The following DNM3 variants were observed in gnomAD, a reference collection of about 807,000 sequenced individuals.
DNM3 encodes the protein dynamin 3.
A neutral mutation model predicts 101.6 loss-of-function variants in DNM3; 47 were observed. The ratio of observed to expected loss-of-function variants is 0.46; its 90% confidence interval spans 0.37 to 0.59. The LOEUF (loss-of-function observed/expected upper bound fraction) is 0.59, where lower values mean the gene tolerates loss of function less well. Among genes scored for constraint, DNM3 ranks in the 20% least tolerant of loss-of-function variants. The pLI is 0.00. For missense variants in DNM3, 849 were observed against 1,085.7 expected (o/e 0.78, Z 3.06); for synonymous variants, 385 against 387.9 (o/e 0.99, Z 0.09).
intron 1 of DNM3, among the ~76,000 whole-genome samples, chr1:171,858,197 AGAGT>A (rs1259354100): frequency 6.6e-6 from 1 of 152,204 alleles, no homozygotes; most frequent in Non-Finnish European, 1.5e-5. Context: ...GTTGGTACTG[AGAGT>A]GAGGATCATG....
At chr1:172,008,709 G>A (rs965488867) in intron 4 of DNM3, among the ~76,000 whole-genome samples, 1 of 147,634 alleles carries the variant, frequency 6.8e-6, no homozygotes, top group Non-Finnish European at 1.5e-5. Context: ...GAATTACATG[G>A]GCATCTTTTG....
intron 4 of DNM3, among the ~76,000 whole-genome samples, chr1:172,030,429 T>A (rs149335871): frequency 2.4e-4 from 36 of 152,240 alleles, no homozygotes; most frequent in Middle Eastern, 6.8e-3. Flanking sequence ...AAGACTTAAA[T>A]GTAAGACCCA....
chr1:172,121,936 A>C (rs957726623), intron 13 of DNM3, among the ~76,000 whole-genome samples: 2 of 152,176 alleles, frequency 1.3e-5, no homozygotes, highest in African/African-American at 4.8e-5. Flanking sequence ...GGCTTCTTTC[A>C]TCACAGTGAT....
intron 14 of DNM3, among the ~76,000 whole-genome samples, chr1:172,163,865 A>G (rs2058642085): frequency 6.9e-6 from 1 of 145,186 alleles, no homozygotes; most frequent in Admixed American, 6.9e-5. Flanking sequence ...TATGTATTTC[A>G]TATGTGTATA....
intron 4 of DNM3, among the ~76,000 whole-genome samples, chr1:172,019,019 TC>T (rs2047645588): frequency 1.5e-5 from 1 of 67,806 alleles, no homozygotes; most frequent in Non-Finnish European, 2.6e-5. Flanking sequence ...CCCCCTCCCT[TC>T]CTCCCTCCCT....
At chr1:172,010,708 G>A (rs534671967) in intron 4 of DNM3, among the ~76,000 whole-genome samples, 5,699 of 144,976 alleles carry the variant, frequency 0.039, 128 homozygotes, top group Middle Eastern at 0.073. Context: ...GTGTGTGTGT[G>A]TGTGTGTGTG....
rs1296702508 is a variant in DNM3, at chr1:172,068,925, G to A, written c.1422+20G>A. On this transcript the variant is annotated intron_variant, in intron 11 of 20. Transcript: ENST00000627582. ...GACCAGGTAAAGAGAGGTCTTCCCT[G>A]GTGGGCAGGGAGATTGTGGGAGGTC... The A allele has an allele frequency of 3.9e-6, 6 of 1,550,938 alleles. No individual in the cohort carries two copies. Among genetic ancestry groups the A allele is most frequent in the South Asian group, 1.2e-5 (1 of 84,018 alleles).
intron 10 of DNM3, among the ~76,000 whole-genome samples, chr1:172,065,033 T>C (rs915891652): frequency 6.6e-6 from 1 of 152,200 alleles, no homozygotes; most frequent in Non-Finnish European, 1.5e-5. Flanking sequence ...GACACACACG[T>C]GCACACAAAT....
chr1:172,013,132 G>C (rs1419598548), intron 4 of DNM3, among the ~76,000 whole-genome samples: 2 of 151,646 alleles, frequency 1.3e-5, no homozygotes, highest in Non-Finnish European at 1.5e-5. Context: ...TTTTTTCATT[G>C]TTGTTGTTCC....
intron 4 of DNM3, among the ~76,000 whole-genome samples, chr1:172,001,363 C>T (rs928503609): frequency 6.6e-6 from 1 of 151,978 alleles, no homozygotes; most frequent in Non-Finnish European, 1.5e-5. Flanking sequence ...CCTGGCTGAA[C>T]CGTTCACCCT....
At chr1:172,033,079 C>T in intron 5 of DNM3, 26 bp from the exon 6 acceptor site, 3 of 1,605,950 alleles carry the variant, frequency 1.9e-6, no homozygotes, top group East Asian at 2.2e-5. Flanking sequence ...GTGTCCCCAA[C>T]TCCATAGATT....
chr1:172,081,723 A>G (rs2053163613), intron 11 of DNM3, 109 bp from the exon 12 acceptor site: 2 of 844,242 alleles, frequency 2.4e-6, no homozygotes, highest in South Asian at 3.7e-5. Flanking sequence ...TAATTGAAGT[A>G]TCCTTTAAAA....
chr1:172,042,813 T>C (rs1487329039), intron 8 of DNM3, among the ~76,000 whole-genome samples: 1 of 152,138 alleles, frequency 6.6e-6, no homozygotes, highest in Admixed American at 6.5e-5. Flanking sequence ...CTTTCTAGGT[T>C]GAGGTAAAGT....
At chr1:172,229,487 A>G (rs1398714684) in intron 14 of DNM3, among the ~76,000 whole-genome samples, 1 of 152,184 alleles carries the variant, frequency 6.6e-6, no homozygotes, top group Non-Finnish European at 1.5e-5. Flanking sequence ...ACACATGCCC[A>G]GCTAAAGCAG....
intron 15 of DNM3, among the ~76,000 whole-genome samples, chr1:172,274,723 G>GTTTTTTTT (rs375210621): frequency 8.6e-6 from 1 of 116,934 alleles, no homozygotes. Context: ...TCTAGTGAAG[G>GTTTTTTTT]TTTTTTTTTT....
intron 1 of DNM3, among the ~76,000 whole-genome samples, chr1:171,894,926 T>C (rs189646522): frequency 6.6e-6 from 1 of 152,340 alleles, no homozygotes; most frequent in East Asian, 1.9e-4. Context: ...CTGAGAATGA[T>C]GGTTTCCAGC....
Position 172,068,066 on chromosome 1 carries a change from G to A in DNM3, c.1336-753G>A, listed in dbSNP as rs193064647. ...GGGTTGGCCGGGCGTGGTGGCTCAC[G>A]CCTGTAATCCCAGCACTTTGGGAGA... On this transcript the variant is annotated intron_variant, in intron 10 of 20. Coordinates refer to ENST00000627582, the MANE Select transcript of DNM3 (RefSeq NM_015569.5). Among the ~76,000 whole-genome samples the A allele has an allele frequency of 7.1e-3, 1,078 of 152,288 alleles. 20 individuals are homozygous for A. Among genetic ancestry groups the A allele is most frequent in the African/African-American group, 0.024 (993 of 41,556 alleles).
At chr1:172,042,413 T>C (rs895175060) in intron 8 of DNM3, among the ~76,000 whole-genome samples, 7 of 152,360 alleles carry the variant, frequency 4.6e-5, no homozygotes, top group Middle Eastern at 6.8e-3. Flanking sequence ...TTCTTAAGCA[T>C]GTACTATGCA....
chr1:172,213,434 G>A (rs2060579114), intron 14 of DNM3, among the ~76,000 whole-genome samples: 1 of 146,098 alleles, frequency 6.8e-6, no homozygotes, highest in Non-Finnish European at 1.5e-5. Context: ...CATTCAGTTT[G>A]TGGAAATTAT....
Sources: allele counts gnomAD v4.1 joint callset (sites outside exome capture counted in the v4.1 genomes callset), GRCh38; gene constraint gnomAD v4.1.1; transcripts MANE v1.5; gene names NCBI Gene and HGNC (gene_info 2026-07-23, HGNC 2026-07-21).